HELZ: variants seen among roughly 807,000 people sequenced by gnomAD.
HELZ encodes the protein ATP-dependent RNA helicase with zinc finger domain.
Under a neutral mutation model 218.2 loss-of-function variants are expected in HELZ, and 23 were observed. The observed-to-expected ratio is 0.11, with a 90% CI of 0.08 to 0.15. The LOEUF (loss-of-function observed/expected upper bound fraction) is 0.15, where lower values mean the gene tolerates loss of function less well. HELZ is among the 10% of genes least tolerant of loss of function. The pLI, the probability that HELZ is intolerant of heterozygous loss-of-function variation, is 1.00. For synonymous variants in HELZ, 814 were observed against 829.4 expected (o/e 0.98, Z 0.32); for missense variants, 1,813 against 2,353.7 (o/e 0.77, Z 4.75).
At chr17:67,193,344 CAAAAAAAA>C (rs34516607) in intron 9 of HELZ, among the ~76,000 whole-genome samples, 2 of 91,906 alleles carry the variant, frequency 2.2e-5, no homozygotes, top group African/African-American at 4.2e-5. Context: ...GACTCTGTCT[CAAAAAAAA>C]AAAAAAAAAA....
intron 24 of HELZ, among the ~76,000 whole-genome samples, chr17:67,126,832 A>C (rs2037814023): frequency 6.8e-6 from 1 of 146,600 alleles, no homozygotes; most frequent in African/African-American, 2.4e-5. Flanking sequence ...ACTGCACTCC[A>C]GCCCGGGCAA....
intron 1 of HELZ, among the ~76,000 whole-genome samples, chr17:67,244,204 C>T (rs540955233): frequency 1.3e-5 from 2 of 152,302 alleles, no homozygotes; most frequent in Admixed American, 1.3e-4. Context: ...CAACTCCTCC[C>T]TCCTTCCCCC....
At chr17:67,116,360 C>A (rs2037426158) in intron 27 of HELZ, among the ~76,000 whole-genome samples, 1 of 152,022 alleles carries the variant, frequency 6.6e-6, no homozygotes, top group Admixed American at 6.6e-5. Flanking sequence ...GGTCTAAACA[C>A]CCCAATTAAA....
chr17:67,096,147 C>A (rs548358893), intron 31 of HELZ, among the ~76,000 whole-genome samples: 1 of 148,964 alleles, frequency 6.7e-6, no homozygotes, highest in South Asian at 2.2e-4. Flanking sequence ...CCCCCCCTCC[C>A]CCGCCCACCA....
chr17:67,084,958 T>C (rs2036319762), intron 32 of HELZ, among the ~76,000 whole-genome samples: 1 of 152,028 alleles, frequency 6.6e-6, no homozygotes, highest in South Asian at 2.1e-4. Context: ...ATACACAAAT[T>C]AGCTGGGCAT....
intron 13 of HELZ, among the ~76,000 whole-genome samples, chr17:67,175,206 T>G (rs2039421098): frequency 6.6e-6 from 1 of 152,180 alleles, no homozygotes; most frequent in Non-Finnish European, 1.5e-5. Context: ...CGTATAGCCC[T>G]TAACTGACAG....
In HELZ at chr17:67,195,852, CTT is replaced by C. The variant is rs1238942016; in HGVS notation, c.430-384_430-383del. Among the ~76,000 whole-genome samples the C allele has an allele frequency of 1.1e-3, 93 of 84,864 alleles. 1 individual carries two copies. The highest frequency in any genetic ancestry group is 9.1e-3 in the Middle Eastern group (1 of 110). The allele number at this position is 84,864 out of a possible 152,430, so 55.7% of individuals were successfully genotyped here. On this transcript the variant is annotated intron_variant, in intron 7 of 32. Transcript: ENST00000358691. ...GGTTTCTTTTCCTTTTTTTTTTTTT[CTT>C]TTTTTTTTTTTTTTTGGGACAAAGT... is the stretch of plus-strand genomic sequence containing the variant.
intron 21 of HELZ, among the ~76,000 whole-genome samples, chr17:67,143,924 C>T (rs1019960645): frequency 2.6e-5 from 4 of 152,134 alleles, no homozygotes; most frequent in African/African-American, 9.7e-5. Flanking sequence ...TAATTCCAAA[C>T]TTTTTTATTT....
In HELZ at chr17:67,114,376, G is replaced by C; in HGVS notation, c.3866C>G (p.Pro1289Arg). The C allele has an allele frequency of 6.2e-7, 1 of 1,610,276 alleles. No homozygotes were observed. The highest frequency in any genetic ancestry group is 8.5e-7 in the Non-Finnish European group (1 of 1,176,726). ...NGKSDTNNSG[P>R]EINKIRTPEK... Reference sequence around the variant, plus strand: ...TGGTGTTCGAATCTTATTAATTTCAGGTCCGGAATTATTTGTATCACTTTT... The same window carrying C: ...TGGTGTTCGAATCTTATTAATTTCACGTCCGGAATTATTTGTATCACTTTT... The change falls in exon 28 of 33, where the codon CCT becomes CGT. Residue 1289 changes from proline to arginine, a missense_variant. Pro to Arg is a moderately radical substitution (Grantham distance 103). Transcript: ENST00000358691.
chr17:67,151,655 C>G (rs146702177), intron 17 of HELZ, among the ~76,000 whole-genome samples: 1 of 152,094 alleles, frequency 6.6e-6, no homozygotes, highest in African/African-American at 2.4e-5. Context: ...GAATTGCATA[C>G]TTATAACAGG....
intron 31 of HELZ, among the ~76,000 whole-genome samples, chr17:67,105,581 C>A (rs913951587): frequency 6.6e-6 from 1 of 152,090 alleles, no homozygotes; most frequent in African/African-American, 2.4e-5. Flanking sequence ...CCAAATTGTA[C>A]AATTTAAAAT....
At chr17:67,214,294 C>T (rs2040537932) in intron 5 of HELZ, among the ~76,000 whole-genome samples, 3 of 109,430 alleles carry the variant, frequency 2.7e-5, no homozygotes, top group African/African-American at 1.1e-4. Context: ...GAGACAGAGT[C>T]TCACTCTGTC....
At chr17:67,098,917 G>A (rs1253822358) in intron 31 of HELZ, among the ~76,000 whole-genome samples, 2 of 152,142 alleles carry the variant, frequency 1.3e-5, no homozygotes, top group Non-Finnish European at 2.9e-5. Context: ...TGGATTCTGG[G>A]CAACAAGTTT....
intron 31 of HELZ, among the ~76,000 whole-genome samples, chr17:67,092,199 AAAT>A (rs1326814212): frequency 1.3e-5 from 2 of 152,184 alleles, no homozygotes; most frequent in African/African-American, 4.8e-5. Flanking sequence ...GACTCCACTA[AAAT>A]AATAATAAAT....
intron 21 of HELZ, among the ~76,000 whole-genome samples, chr17:67,139,237 C>T (rs894685660): frequency 6.6e-6 from 1 of 152,204 alleles, no homozygotes; most frequent in East Asian, 1.9e-4. Flanking sequence ...GTCATCCTAT[C>T]GTTATTATGA....
At chr17:67,216,214 TGAGAAA>T (rs1484781785) in intron 4 of HELZ, among the ~76,000 whole-genome samples, 1 of 152,142 alleles carries the variant, frequency 6.6e-6, no homozygotes, top group Non-Finnish European at 1.5e-5. Context: ...AAAGCTTTAC[TGAGAAA>T]ACTGAAGCCA....
chr17:67,213,403 C>T (rs1178576323), intron 5 of HELZ, among the ~76,000 whole-genome samples: 1 of 152,126 alleles, frequency 6.6e-6, no homozygotes, highest in African/African-American at 2.4e-5. Context: ...GCAGGCAGGT[C>T]ACGAGGTCAA....
In HELZ at chr17:67,151,025, CTG is replaced by C. The variant is rs763927386; in HGVS notation, c.2356+19_2356+20del. 1.2e-6 allele frequency: 2 copies of C among 1,608,256 alleles called. No individual in the cohort carries two copies. Among genetic ancestry groups the C allele is most frequent in the African/African-American group, 2.7e-5 (2 of 74,938 alleles). On this transcript the variant is annotated intron_variant, in intron 18 of 32. Transcript: ENST00000358691. ...ATTCATAAGCCCTAAACTTGTGAGA[CTG>C]TGTCTTGAGTCAGCATACCAGGTTC...
intron 5 of HELZ, among the ~76,000 whole-genome samples, chr17:67,214,007 C>G (rs1353434686): frequency 6.6e-6 from 1 of 152,108 alleles, no homozygotes; most frequent in Non-Finnish European, 1.5e-5. Context: ...GCACAGAAGA[C>G]CTTTCTCATA....
Sources: allele counts gnomAD v4.1 joint callset (sites outside exome capture counted in the v4.1 genomes callset), GRCh38; gene constraint gnomAD v4.1.1; transcripts MANE v1.5; gene names NCBI Gene and HGNC (gene_info 2026-07-23, HGNC 2026-07-21).